The following KCNQ3 variants were observed in gnomAD, a reference collection of about 807,000 sequenced individuals.
KCNQ3 encodes potassium voltage-gated channel subfamily KQT member 3.
KCNQ3 carries 30 observed loss-of-function variants against 92.5 expected under a neutral mutation model. That is an observed-to-expected ratio of 0.32 (90% confidence interval 0.24 to 0.44). The LOEUF is 0.44. Among genes scored for constraint, KCNQ3 ranks in the 20% least tolerant of loss-of-function variants. The pLI, the probability that KCNQ3 is intolerant of heterozygous loss-of-function variation, is 1.00. For synonymous variants in KCNQ3, 450 were observed against 468.8 expected, an observed-to-expected ratio of 0.96 and a Z score of 0.52; for missense variants, 913 against 1,140.3, an observed-to-expected ratio of 0.80 and a Z score of 2.87.
chr8:132,426,366 C>G (rs1299666357), intron 1 of KCNQ3, among the ~76,000 whole-genome samples: 1 of 152,210 alleles, frequency 6.6e-6, no homozygotes. Flanking sequence ...AGTTCCTCCT[C>G]CAACAGAGTT....
intron 1 of KCNQ3, among the ~76,000 whole-genome samples, chr8:132,338,078 A>G (rs149713285): frequency 9.6e-4 from 146 of 152,354 alleles, no homozygotes; most frequent in African/African-American, 3.3e-3. Flanking sequence ...AATGGCTTCT[A>G]TAATTTCCTT....
At chr8:132,371,019 C>A (rs1819458044) in intron 1 of KCNQ3, among the ~76,000 whole-genome samples, 1 of 152,204 alleles carries the variant, frequency 6.6e-6, no homozygotes, top group African/African-American at 2.4e-5. Flanking sequence ...GTTCTGTGCA[C>A]TCCCCATTTT....
intron 1 of KCNQ3, among the ~76,000 whole-genome samples, chr8:132,367,590 A>C (rs372618404): frequency 1.3e-5 from 2 of 152,234 alleles, no homozygotes; most frequent in South Asian, 4.1e-4. Context: ...AGTTTTCCCT[A>C]CAAATGTTTC....
chr8:132,467,537 A>C (rs1057187200), intron 1 of KCNQ3, among the ~76,000 whole-genome samples: 3 of 152,146 alleles, frequency 2.0e-5, no homozygotes, highest in African/African-American at 7.2e-5. Context: ...GGGGGATCTT[A>C]GCTCTGGGAT....
intron 1 of KCNQ3, among the ~76,000 whole-genome samples, chr8:132,412,911 A>G (rs1033735380): frequency 6.6e-6 from 1 of 152,188 alleles, no homozygotes; most frequent in East Asian, 1.9e-4. Flanking sequence ...AAAGCAAGTG[A>G]CCGGGGAGGC....
chr8:132,473,841 A>C (rs141884999), intron 1 of KCNQ3, among the ~76,000 whole-genome samples: 4 of 152,324 alleles, frequency 2.6e-5, no homozygotes, highest in Non-Finnish European at 2.9e-5. Flanking sequence ...ACCTGAAGAC[A>C]ATAGATCTTC....
intron 1 of KCNQ3, among the ~76,000 whole-genome samples, chr8:132,426,786 T>C (rs869710): frequency 0.6 from 90,659 of 151,968 alleles, 27,525 homozygotes; most frequent in African/African-American, 0.64. Flanking sequence ...TACTCCCTGG[T>C]CCCCCAAAAT....
intron 1 of KCNQ3, among the ~76,000 whole-genome samples, chr8:132,469,789 A>G (rs1464194482): frequency 6.6e-6 from 1 of 152,088 alleles, no homozygotes; most frequent in Admixed American, 6.6e-5. Context: ...TGAAATGTTA[A>G]GAAATGAATA....
chr8:132,470,223 G>A (rs1226884999), intron 1 of KCNQ3, among the ~76,000 whole-genome samples: 3 of 152,206 alleles, frequency 2.0e-5, no homozygotes, highest in East Asian at 3.9e-4. Flanking sequence ...GCTTCATGTC[G>A]GAATCACCTA....
chr8:132,180,481 A>G, intron 3 of KCNQ3, 152 bp from the exon 4 acceptor site: 3 of 791,322 alleles, frequency 3.8e-6, no homozygotes, highest in Non-Finnish European at 6.3e-6. Flanking sequence ...GCCACCAACA[A>G]CACATGGTAA....
At chr8:132,184,993 C>A (rs950259417) in intron 2 of KCNQ3, among the ~76,000 whole-genome samples, 14 of 152,200 alleles carry the variant, frequency 9.2e-5, no homozygotes, top group African/African-American at 3.4e-4. Flanking sequence ...GACACAGGGT[C>A]CCCCTTTCCT....
chr8:132,312,092 G>T (rs1322665961), intron 1 of KCNQ3, among the ~76,000 whole-genome samples: 1 of 152,196 alleles, frequency 6.6e-6, no homozygotes. Context: ...GAAGAGTCAG[G>T]AGAGGACTTT....
At chr8:132,180,844 A>AC (rs1294540961) in intron 3 of KCNQ3, among the ~76,000 whole-genome samples, 6 of 151,532 alleles carry the variant, frequency 4.0e-5, no homozygotes, top group Non-Finnish European at 7.4e-5. Context: ...TTAAAAAAAA[A>AC]AAAAAACCAA....
rs375953202 is a variant in KCNQ3, at chr8:132,359,984, G to A, written c.386+120163C>T. On this transcript the variant is annotated intron_variant, in intron 1 of 14. Transcript: ENST00000388996. ...GATACAGATTTAGTTTCTCAGGCTTGAACTGGGCACCCCACTTCCCCTGAT... is the reference window on the plus strand; with the variant it reads ...GATACAGATTTAGTTTCTCAGGCTTAAACTGGGCACCCCACTTCCCCTGAT... Among the ~76,000 whole-genome samples, 12 of 152,262 alleles carry A rather than the reference G, an allele frequency of 7.9e-5. No homozygotes were observed. In the East Asian group the frequency reaches 1.7e-3, roughly 22 times the overall value.
chr8:132,250,279 G>A (rs545515777), intron 1 of KCNQ3, among the ~76,000 whole-genome samples: 1 of 152,326 alleles, frequency 6.6e-6, no homozygotes, highest in East Asian at 1.9e-4. Flanking sequence ...GAGAAAAGCA[G>A]AGCCAAGGGA....
At chr8:132,206,174 C>T (rs943581162) in intron 1 of KCNQ3, among the ~76,000 whole-genome samples, 7 of 152,178 alleles carry the variant, frequency 4.6e-5, no homozygotes, top group South Asian at 2.1e-4. Context: ...CCAGAGCCTA[C>T]GATCTAGAGC....
At chr8:132,158,744 G>C (rs569286162) in intron 9 of KCNQ3, among the ~76,000 whole-genome samples, 1 of 152,254 alleles carries the variant, frequency 6.6e-6, no homozygotes, top group South Asian at 2.1e-4. Context: ...TATCTCTTAG[G>C]GTGGTTATGA....
chr8:132,154,149 C>G (rs1029883500), intron 9 of KCNQ3, among the ~76,000 whole-genome samples: 1 of 142,390 alleles, frequency 7.0e-6, no homozygotes, highest in Non-Finnish European at 1.5e-5. Context: ...CTAGGCTCAG[C>G]GGAAGGGAAC....
intron 1 of KCNQ3, among the ~76,000 whole-genome samples, chr8:132,376,381 C>T (rs76917904): frequency 0.14 from 21,623 of 152,176 alleles, 1,695 homozygotes; most frequent in African/African-American, 0.2. Flanking sequence ...CACAATTGTG[C>T]ATTTAACTAA....
Sources: allele counts gnomAD v4.1 joint callset (sites outside exome capture counted in the v4.1 genomes callset), GRCh38; gene constraint gnomAD v4.1.1; transcripts MANE v1.5; gene names NCBI Gene and HGNC (gene_info 2026-07-23, HGNC 2026-07-21).